CDH4: variants seen among roughly 807,000 people sequenced by gnomAD.
The protein encoded by CDH4 is cadherin 4, also known as cadherin-4.
In CDH4, 33 loss-of-function variants were observed where a neutral mutation model predicts 86.0. That is an observed-to-expected ratio of 0.38 (90% CI 0.29 to 0.51). CDH4 has a LOEUF of 0.51. Ranked by LOEUF, CDH4 falls within the 20% of genes least tolerant of loss-of-function variation. The pLI, the probability that CDH4 is intolerant of heterozygous loss-of-function variation, is 0.86. For synonymous variants in CDH4, 555 were observed against 549.4 expected (o/e 1.01, Z -0.14); for missense variants, 1,114 against 1,307.4 (o/e 0.85, Z 2.28).
At chr20:61,660,047 G>T (rs553247407) in intron 2 of CDH4, among the ~76,000 whole-genome samples, 2 of 142,984 alleles carry the variant, frequency 1.4e-5, no homozygotes, top group East Asian at 1.9e-4. Flanking sequence ...CCGCTCCCAA[G>T]GGGGCAGCTC....
At position 61,293,450 on chromosome 20, in the gene CDH4, C is replaced by T. The variant is rs987044711; in HGVS notation, c.169+38513C>T. 3.3e-5 allele frequency among the ~76,000 whole-genome samples: 5 copies of T among 152,054 alleles called. No homozygotes were observed. In the East Asian group the frequency reaches 5.8e-4, roughly 18 times the overall value. On this transcript the variant is annotated intron_variant, in intron 2 of 15. Coordinates refer to ENST00000614565, the MANE Select transcript of CDH4 (RefSeq NM_001794.5). ...GGAGAGGCCCCAGGTGCCCGGCAGG[C>T]GTGCGGGGACTTCTGGGGAAGGAAG...
At chr20:61,733,926 GAC>G (rs1218680756) in intron 2 of CDH4, among the ~76,000 whole-genome samples, 1 of 152,246 alleles carries the variant, frequency 6.6e-6, no homozygotes, top group African/African-American at 2.4e-5. Flanking sequence ...GTCTTGGGGA[GAC>G]ACAGCCTGCT....
intron 2 of CDH4, among the ~76,000 whole-genome samples, chr20:61,342,260 A>G (rs779890173): frequency 6.6e-6 from 1 of 152,170 alleles, no homozygotes; most frequent in Non-Finnish European, 1.5e-5. Flanking sequence ...AGCGCTTTAC[A>G]TTTATTGTGT....
In CDH4 at chr20:61,709,346, C is replaced by T. The variant is rs1043080051; in HGVS notation, c.170-34217C>T. Among the ~76,000 whole-genome samples the T allele has an allele frequency of 2.0e-5, 3 of 152,210 alleles. No homozygotes were observed. Among genetic ancestry groups the T allele is most frequent in the Non-Finnish European group, 4.4e-5 (3 of 68,034 alleles). On this transcript the variant is annotated intron_variant, in intron 2 of 15. Coordinates refer to ENST00000614565, the MANE Select transcript of CDH4 (RefSeq NM_001794.5). The surrounding 1 kb of genome is among the most constrained non-coding windows in gnomAD (Gnocchi z 4.8). Reference sequence around the variant, plus strand: ...CTGTAGTGCAGTGGGGTGATCTTGGCTCACTGCAACCTCCGCCTCCTGGGT... The same window carrying T: ...CTGTAGTGCAGTGGGGTGATCTTGGTTCACTGCAACCTCCGCCTCCTGGGT...
At chr20:61,746,157 A>G (rs1009313769) in intron 3 of CDH4, among the ~76,000 whole-genome samples, 3 of 151,936 alleles carry the variant, frequency 2.0e-5, no homozygotes, top group Non-Finnish European at 4.4e-5. Context: ...AGTCCGGCGT[A>G]TGTCGTTTTC....
intron 2 of CDH4, among the ~76,000 whole-genome samples, chr20:61,626,248 A>G (rs1299719054): frequency 6.6e-6 from 1 of 152,060 alleles, no homozygotes; most frequent in Non-Finnish European, 1.5e-5. Flanking sequence ...GGTGGGGGTC[A>G]GTTTTAAATG....
intron 2 of CDH4, among the ~76,000 whole-genome samples, chr20:61,302,478 G>C (rs1195665571): frequency 3.4e-5 from 5 of 148,474 alleles, no homozygotes; most frequent in Non-Finnish European, 6.0e-5. Context: ...TGTTTCCTTG[G>C]CCTGGGTTGG....
chr20:61,511,612 T>C (rs771379650), intron 2 of CDH4, among the ~76,000 whole-genome samples: 66 of 152,232 alleles, frequency 4.3e-4, no homozygotes, highest in Non-Finnish European at 6.8e-4. Flanking sequence ...AATATGCTCG[T>C]GAATCATAAA....
intron 2 of CDH4, among the ~76,000 whole-genome samples, chr20:61,317,816 T>TGTCC (rs1451934303): frequency 2.6e-5 from 4 of 152,148 alleles, no homozygotes; most frequent in Admixed American, 2.6e-4. Context: ...AATTTGTGGG[T>TGTCC]GTCCAGCCAG....
chr20:61,771,051 C>A (rs994850343), intron 3 of CDH4, among the ~76,000 whole-genome samples: 2 of 143,864 alleles, frequency 1.4e-5, no homozygotes, highest in African/African-American at 5.2e-5. Flanking sequence ...GCTCTTTTTC[C>A]CCAGGCTGGA....
At chr20:61,926,952 G>A (rs1175339759) in intron 11 of CDH4, among the ~76,000 whole-genome samples, 6 of 151,474 alleles carry the variant, frequency 4.0e-5, no homozygotes, top group East Asian at 2.0e-4. Context: ...GGCAGACGCC[G>A]TGTGAGGGAG....
At chr20:61,539,991 T>C (rs539007286) in intron 2 of CDH4, among the ~76,000 whole-genome samples, 15 of 152,344 alleles carry the variant, frequency 9.8e-5, no homozygotes, top group African/African-American at 3.1e-4. Context: ...TCCTCCCCGA[T>C]GCCCGCAGCG....
chr20:61,851,519 T>A (rs1315364914), intron 5 of CDH4, among the ~76,000 whole-genome samples: 1 of 152,224 alleles, frequency 6.6e-6, no homozygotes, highest in Non-Finnish European at 1.5e-5. Flanking sequence ...GGGGCTTCTC[T>A]CACGGCCACC....
At chr20:61,388,907 T>C (rs904300327) in intron 2 of CDH4, among the ~76,000 whole-genome samples, 1 of 152,246 alleles carries the variant, frequency 6.6e-6, no homozygotes, top group East Asian at 1.9e-4. Context: ...TCTGTTTCGA[T>C]TTTTTTACAT....
chr20:61,707,192 G>A (rs1198728515), intron 2 of CDH4, among the ~76,000 whole-genome samples: 3 of 152,236 alleles, frequency 2.0e-5, no homozygotes, highest in African/African-American at 7.2e-5. Flanking sequence ...TGAGCCAGTG[G>A]TCCTGAGCTC....
intron 2 of CDH4, among the ~76,000 whole-genome samples, chr20:61,585,643 ATGATGGTGATGG>A (rs1226524145): frequency 6.6e-6 from 1 of 151,512 alleles, no homozygotes; most frequent in East Asian, 1.9e-4. Context: ...GATGGTGATG[ATGATGGTGATGG>A]TGATGGTGAT....
At chr20:61,915,130 C>G (rs2054890600) in intron 9 of CDH4, among the ~76,000 whole-genome samples, 1 of 152,176 alleles carries the variant, frequency 6.6e-6, no homozygotes, top group South Asian at 2.1e-4. Context: ...AACTGGGAGC[C>G]CACACACAGG....
At chr20:61,618,115 C>T (rs1271177533) in intron 2 of CDH4, among the ~76,000 whole-genome samples, 3 of 152,132 alleles carry the variant, frequency 2.0e-5, no homozygotes, top group African/African-American at 7.2e-5. Flanking sequence ...CAGTCTCGGG[C>T]AGGCCTTTAT....
intron 2 of CDH4, among the ~76,000 whole-genome samples, chr20:61,398,221 C>T (rs933093272): frequency 6.6e-6 from 1 of 152,160 alleles, no homozygotes; most frequent in African/African-American, 2.4e-5. Flanking sequence ...TTGACAGAGG[C>T]CTGATTCTGC....
Sources: allele counts gnomAD v4.1 joint callset (sites outside exome capture counted in the v4.1 genomes callset), GRCh38; gene constraint gnomAD v4.1.1; non-coding constraint Gnocchi (gnomAD v3.1); transcripts MANE v1.5; gene names NCBI Gene and HGNC (gene_info 2026-07-23, HGNC 2026-07-21).